The following AKAP13 variants were observed in gnomAD, a reference collection of about 807,000 sequenced individuals.
The protein encoded by AKAP13 is A-kinase anchor protein 13.
A neutral mutation model predicts 264.5 loss-of-function variants in AKAP13; 80 were observed. That is an observed-to-expected ratio of 0.30 (90% CI 0.25 to 0.36). The LOEUF is 0.36. Ranked by LOEUF, AKAP13 falls within the 10% of genes least tolerant of loss-of-function variation. The probability of loss-of-function intolerance (pLI) is 1.00; values close to 1 mark genes in which losing one functional copy is unlikely to be tolerated. For synonymous variants in AKAP13, 1,380 were observed against 1,250.2 expected (o/e 1.10, Z -2.19); for missense variants, 3,712 against 3,435.2 (o/e 1.08, Z -2.01).
rs959866936 is a variant in AKAP13 at position 85,533,691 on chromosome 15, T to C, written c.289T>C (p.Tyr97His). 17 of 1,614,086 alleles carry C rather than the reference T, an allele frequency of 1.1e-5. No homozygotes were observed. The African/African-American group carries it at 1.1e-4, about 10-fold the overall frequency. The change falls in exon 4 of 37, where the codon TAT becomes CAT. Residue 97 changes from tyrosine (Y) to histidine (H), a missense_variant. Coordinates refer to ENST00000394518, the MANE Select transcript of AKAP13 (RefSeq NM_007200.5). The stretch of plus-strand genomic sequence containing the variant: ...CTTTCATTTCGTCCAGGATGAAGCG[T>C]ATGATGCAGCTCAATTCCTAGCAAC... ...EDFHFVQDEA[Y>H]DAAQFLATSA... is the part of the protein sequence containing the mutation.
chr15:85,619,266 A>G (rs2081071528), intron 8 of AKAP13: 1 of 664,546 alleles, frequency 1.5e-6, no homozygotes, highest in Non-Finnish European at 1.9e-6. Flanking sequence ...CAAACCTCCA[A>G]GGCTGCGGGT....
chr15:85,594,517 A>T (rs572614817), intron 8 of AKAP13, among the ~76,000 whole-genome samples: 30 of 152,342 alleles, frequency 2.0e-4, no homozygotes, highest in Non-Finnish European at 4.0e-4. Context: ...TATATGCATT[A>T]TGTATCAGAA....
intron 8 of AKAP13, among the ~76,000 whole-genome samples, chr15:85,613,715 A>AT (rs1421387238): frequency 0.12 from 9,115 of 76,930 alleles, 1,802 homozygotes; most frequent in African/African-American, 0.32. Flanking sequence ...TATATATATT[A>AT]GGAGTGCTGA....
chr15:85,416,494 C>T (rs537521528), intron 1 of AKAP13, among the ~76,000 whole-genome samples: 6 of 152,278 alleles, frequency 3.9e-5, no homozygotes, highest in South Asian at 2.1e-4. Context: ...CACTAATTCC[C>T]GTGGACATGA....
At chr15:85,674,047 G>T (rs1219124552) in intron 14 of AKAP13, among the ~76,000 whole-genome samples, 2 of 151,852 alleles carry the variant, frequency 1.3e-5, no homozygotes, top group Non-Finnish European at 2.9e-5. Flanking sequence ...CCACCCAGAA[G>T]ATGCTTCAAA....
intron 32 of AKAP13, 78 bp from the exon 33 acceptor site, chr15:85,736,012 C>A: frequency 8.6e-7 from 1 of 1,166,048 alleles, no homozygotes; most frequent in Non-Finnish European, 1.3e-6. Context: ...AAAGCTACAG[C>A]CTAACACAGA....
chr15:85,522,080 T>C (rs1017151931), intron 3 of AKAP13, among the ~76,000 whole-genome samples: 4 of 152,166 alleles, frequency 2.6e-5, no homozygotes, highest in Non-Finnish European at 5.9e-5. Flanking sequence ...CAGAAAGGCT[T>C]TTCTGGAACT....
rs141714883 is a variant in AKAP13 at position 85,724,750 on chromosome 15, G to A, written c.6745+1430G>A. ...GGGCAGTTTAGAGTGCAGCTGGAGTGAAGAGAGACTGGTGACAGATAAGAG... is the reference window on the plus strand; with the variant it reads ...GGGCAGTTTAGAGTGCAGCTGGAGTAAAGAGAGACTGGTGACAGATAAGAG... On this transcript the variant is annotated intron_variant, in intron 26 of 36. Transcript: ENST00000394518. This position sits in a 1 kb window ranked among gnomAD's most constrained non-coding sequence, Gnocchi z 4.2. Among the ~76,000 whole-genome samples, 5 of 152,046 alleles carry A rather than the reference G, an allele frequency of 3.3e-5. No individual in the cohort carries two copies. The East Asian group carries it at 9.8e-4, about 30-fold the overall frequency.
intron 9 of AKAP13, 47 bp from the exon 10 acceptor site, chr15:85,645,771 T>G: frequency 6.8e-7 from 1 of 1,475,130 alleles, no homozygotes; most frequent in Non-Finnish European, 8.9e-7. Flanking sequence ...TTTTTGGTTT[T>G]TTTGTTTTTT....
chr15:85,440,307 G>A (rs1035968646), intron 1 of AKAP13, among the ~76,000 whole-genome samples: 3 of 152,042 alleles, frequency 2.0e-5, no homozygotes, highest in Admixed American at 6.5e-5. Flanking sequence ...CTCTGTTTCT[G>A]TCAGGCATAT....
At chr15:85,552,672 G>A (rs2078000333) in intron 5 of AKAP13, among the ~76,000 whole-genome samples, 1 of 128,588 alleles carries the variant, frequency 7.8e-6, no homozygotes, top group African/African-American at 3.0e-5. Flanking sequence ...CTGTCACCCA[G>A]GCTGAAGTGC....
At chr15:85,562,597 A>T (rs2078429061) in intron 5 of AKAP13, among the ~76,000 whole-genome samples, 1 of 135,472 alleles carries the variant, frequency 7.4e-6, no homozygotes, top group Non-Finnish European at 1.6e-5. Flanking sequence ...ATATATATAT[A>T]TATATATATC....
At chr15:85,626,367 C>A (rs780987421) in intron 8 of AKAP13, among the ~76,000 whole-genome samples, 1 of 152,164 alleles carries the variant, frequency 6.6e-6, no homozygotes, top group Non-Finnish European at 1.5e-5. Context: ...TTTTCATATT[C>A]CCAAACTGGA....
At chr15:85,647,521 C>T (rs1363479358) in intron 10 of AKAP13, among the ~76,000 whole-genome samples, 1 of 100,468 alleles carries the variant, frequency 1.0e-5, no homozygotes, top group Non-Finnish European at 2.2e-5. Context: ...TTGGCCTTCC[C>T]TGACTTTTTT....
intron 5 of AKAP13, chr15:85,555,585 A>G: frequency 1.2e-6 from 1 of 802,120 alleles, no homozygotes; most frequent in Middle Eastern, 2.8e-4. Flanking sequence ...AACCTGAAGC[A>G]TCATTGAACT....
chr15:85,715,933 G>C lies in AKAP13; in HGVS notation c.5735+10G>C. The C allele has an allele frequency of 6.2e-7, 1 of 1,600,048 alleles. No individual in the cohort carries two copies. Among genetic ancestry groups the C allele is most frequent in the Non-Finnish European group, 8.5e-7 (1 of 1,173,418 alleles). Reference sequence around the variant, plus strand: ...TACAGAACATTACTGGGTAAGTGGAGATATTTAAAGATAGCACAGTTGGCA... The same window carrying C: ...TACAGAACATTACTGGGTAAGTGGACATATTTAAAGATAGCACAGTTGGCA... On this transcript the variant is annotated intron_variant, in intron 20 of 36. Coordinates refer to ENST00000394518, the MANE Select transcript of AKAP13 (RefSeq NM_007200.5).
At chr15:85,613,233 A>G (rs978191415) in intron 8 of AKAP13, among the ~76,000 whole-genome samples, 2 of 152,214 alleles carry the variant, frequency 1.3e-5, no homozygotes, top group Non-Finnish European at 2.9e-5. Context: ...GGATAGCATT[A>G]TTTGATAGGT....
intron 10 of AKAP13, among the ~76,000 whole-genome samples, chr15:85,650,772 A>AAAAAAAAAAAAG (rs2082779557): frequency 1.4e-5 from 2 of 142,346 alleles, no homozygotes; most frequent in Non-Finnish European, 3.0e-5. Flanking sequence ...AAAAAAAAAA[A>AAAAAAAAAAAAG]AAAAAAAAAA....
intron 15 of AKAP13, 132 bp downstream of exon 15, chr15:85,682,344 A>C: frequency 3.2e-6 from 3 of 928,868 alleles, no homozygotes; most frequent in Non-Finnish European, 4.8e-6. Flanking sequence ...ACTTGGAATA[A>C]TGATTAAAAG....
Sources: allele counts gnomAD v4.1 joint callset (sites outside exome capture counted in the v4.1 genomes callset), GRCh38; gene constraint gnomAD v4.1.1; non-coding constraint Gnocchi (gnomAD v3.1); transcripts MANE v1.5; gene names NCBI Gene and HGNC (gene_info 2026-07-23, HGNC 2026-07-21).